MTARC1: variants seen among roughly 807,000 people sequenced by gnomAD.
The protein encoded by MTARC1 is mitochondrial amidoxime-reducing component 1.
In MTARC1, 24 loss-of-function variants were observed where a neutral mutation model predicts 33.6. The ratio of observed to expected loss-of-function variants is 0.72; its 90% confidence interval spans 0.52 to 1.01. The LOEUF is 1.01. Ranked by LOEUF, MTARC1 falls within the 50% of genes least tolerant of loss-of-function variation. MTARC1 has a pLI of 0.00. For missense variants in MTARC1, 417 were observed against 445.7 expected (o/e 0.94, Z 0.58); for synonymous variants, 187 against 189.5 (o/e 0.99, Z 0.11).
chr1:220,788,071 C>T (rs1475822904), intron 1 of MTARC1, among the ~76,000 whole-genome samples: 2 of 152,188 alleles, frequency 1.3e-5, no homozygotes, highest in Non-Finnish European at 2.9e-5. Flanking sequence ...CCCCAATTCT[C>T]TCCAATGCTC....
In MTARC1 at chr1:220,798,007, A is replaced by G. The variant is rs144239231; in HGVS notation, c.746A>G (p.Tyr249Cys). 48 of 1,614,226 alleles carry G rather than the reference A, an allele frequency of 3.0e-5. No homozygotes were observed. The highest frequency in any genetic ancestry group is 8.8e-5 in the South Asian group (8 of 91,090). The change falls in exon 4 of 7, where the codon TAT (tyrosine) becomes TGT (cysteine). Residue 249 changes from tyrosine to cysteine, a missense_variant. Transcript: ENST00000366910. ...ATTGTAATTTCAGGATGCGATGTCT[A>G]TGCAGAGGTAACACTATGCCCCTTT... Reference protein sequence around the residue: ...PNIVISGCDVYAEDSWDELLI... With the variant: ...PNIVISGCDVCAEDSWDELLI...
At chr1:220,792,028 A>C (rs529056855) in intron 2 of MTARC1, among the ~76,000 whole-genome samples, 44 of 152,324 alleles carry the variant, frequency 2.9e-4, no homozygotes, top group African/African-American at 1.0e-3. Flanking sequence ...CGATCTACGT[A>C]TTCTCATAGA....
chr1:220,800,345 A>G (rs552947881), intron 4 of MTARC1, among the ~76,000 whole-genome samples: 3 of 152,318 alleles, frequency 2.0e-5, no homozygotes, highest in African/African-American at 7.2e-5. Flanking sequence ...TGCGCTGTGA[A>G]TAGACACATG....
intron 6 of MTARC1, chr1:220,808,844 C>A (rs12097112): frequency 4.2e-6 from 2 of 470,952 alleles, no homozygotes; most frequent in Non-Finnish European, 8.8e-6. Flanking sequence ...TGGAATTTTT[C>A]TTTTCTTTCT....
intron 6 of MTARC1, chr1:220,808,769 G>C (rs1673043629): frequency 2.1e-6 from 1 of 468,296 alleles, no homozygotes; most frequent in Non-Finnish European, 4.4e-6. Context: ...GGAAGCCTTT[G>C]TCTGTAAAAT....
intron 4 of MTARC1, chr1:220,798,560 C>A (rs1452060598): frequency 1.0e-6 from 1 of 985,334 alleles, no homozygotes; most frequent in East Asian, 1.1e-4. Flanking sequence ...GGCTTGGTTT[C>A]TGGGATTCCA....
intron 2 of MTARC1, chr1:220,793,748 C>G (rs1672510728): frequency 6.6e-6 from 1 of 152,218 alleles, no homozygotes; most frequent in Non-Finnish European, 1.5e-5. Flanking sequence ...CTCAAACCAT[C>G]TCAAGCCATG....
At chr1:220,809,179 C>T (rs1673055068) in intron 6 of MTARC1, among the ~76,000 whole-genome samples, 1 of 152,190 alleles carries the variant, frequency 6.6e-6, no homozygotes, top group Non-Finnish European at 1.5e-5. Context: ...CGCTTAGGCT[C>T]TTCAAGTCAC....
chr1:220,813,230 C>T (rs1221693239), intron 6 of MTARC1, 62 bp from the exon 7 acceptor site: 11 of 1,610,616 alleles, frequency 6.8e-6, no homozygotes, highest in Middle Eastern at 1.7e-4. Context: ...ATGGAAGCCA[C>T]GTGCTGGTTG....
At position 220,813,382 on chromosome 1, in the gene MTARC1, C is replaced by G; in HGVS notation, c.978C>G (p.Ile326Met). 2 of 1,614,124 alleles carry G rather than the reference C, an allele frequency of 1.2e-6. No individual in the cohort carries two copies. The highest frequency in any genetic ancestry group is 8.5e-7 in the Non-Finnish European group (1 of 1,180,044). Residue 326 changes from isoleucine to methionine, a missense_variant, in exon 7 of 7, where the codon ATC becomes ATG. Ile to Met is a conservative substitution (Grantham distance 10). Transcript: ENST00000366910. ...TTGTGCTGGAAAACCCAGGGACCAT[C>G]AAAGTGGGAGACCCTGTGTACCTGC... ...QYFVLENPGT[I>M]KVGDPVYLLG...
At chr1:220,808,505 A>G (rs554845479) in intron 6 of MTARC1, among the ~76,000 whole-genome samples, 3 of 152,368 alleles carry the variant, frequency 2.0e-5, no homozygotes, top group East Asian at 3.9e-4. Context: ...AGGCCTGGCC[A>G]CATCCCATAA....
At chr1:220,790,361 G>T (rs981175021) in intron 1 of MTARC1, among the ~76,000 whole-genome samples, 1 of 152,206 alleles carries the variant, frequency 6.6e-6, no homozygotes, top group African/African-American at 2.4e-5. Flanking sequence ...GTTTTATCCT[G>T]AAAGCAGGAA....
Position 220,819,531 on chromosome 1 carries a change from T to C in MTARC1, c.*6113T>C, listed in dbSNP as rs905341734. 9 of 152,216 alleles carry C rather than the reference T, an allele frequency of 5.9e-5. No homozygotes were observed. Among genetic ancestry groups the C allele is most frequent in the Non-Finnish European group, 1.0e-4 (7 of 68,040 alleles). 9.4% of individuals were successfully genotyped at this position (152,216 alleles called of 1,614,324 possible). On this transcript the variant is annotated 3_prime_UTR_variant, in exon 7 of 7. Transcript: ENST00000366910. ...ATGTCTTGGGGATGTCAAGTAAGAT[T>C]GTTCACATAGTTTCTGGACACCATT...
intron 1 of MTARC1, among the ~76,000 whole-genome samples, chr1:220,788,730 A>T (rs1475293338): frequency 6.6e-6 from 1 of 151,644 alleles, no homozygotes; most frequent in Non-Finnish European, 1.5e-5. Context: ...CGGAGCTTGC[A>T]GAGCTCCACT....
chr1:220,802,236 G>A (rs1321281733), intron 4 of MTARC1, among the ~76,000 whole-genome samples: 1 of 152,146 alleles, frequency 6.6e-6, no homozygotes, highest in African/African-American at 2.4e-5. Flanking sequence ...CTGGAGTGCT[G>A]CACCACAGTT....
Position 220,798,276 on chromosome 1 carries a change from G to T in MTARC1, c.753+262G>T, listed in dbSNP as rs942063275. The T allele has an allele frequency of 2.2e-6, 3 of 1,366,670 alleles. No individual in the cohort carries two copies. The African/African-American group carries it at 4.4e-5, about 20-fold the overall frequency. 84.7% of individuals were successfully genotyped at this position (1,366,670 alleles called of 1,614,324 possible). The stretch of plus-strand genomic sequence containing the variant: ...TCTAAGGAGAATTCTGAGTTGACAG[G>T]TTCGTTGTTGAGTCACATTTTCTTG... On this transcript the variant is annotated intron_variant, in intron 4 of 6. Transcript: ENST00000366910.
At chr1:220,801,987 T>A (rs1020611320) in intron 4 of MTARC1, among the ~76,000 whole-genome samples, 4 of 152,136 alleles carry the variant, frequency 2.6e-5, no homozygotes, top group African/African-American at 9.7e-5. Context: ...CCTGCCACAG[T>A]CAGTGACCGT....
At chr1:220,810,906 C>T (rs1401936906) in intron 6 of MTARC1, among the ~76,000 whole-genome samples, 2 of 152,150 alleles carry the variant, frequency 1.3e-5, no homozygotes, top group African/African-American at 2.4e-5. Flanking sequence ...AAGTCTGTTA[C>T]TCCCCCTGAG....
In MTARC1 at chr1:220,813,730, G is replaced by A. The variant is rs1198469616; in HGVS notation, c.*312G>A. 3.4e-6 allele frequency: 1 copy of A among 290,414 alleles called. No individual in the cohort carries two copies. Among genetic ancestry groups the A allele is most frequent in the African/African-American group, 2.1e-5 (1 of 46,530 alleles). The allele number at this position is 290,414 out of a possible 1,614,324, so 18.0% of individuals were successfully genotyped here. A position where few individuals can be genotyped will look rare whatever the true frequency, so the allele number is the denominator to read the frequency against. ...TCCTGCTTCTCCGTTTATCTACCAA[G>A]AGCGCAGACTTGCATCCTGTCACTA... On this transcript the variant is annotated 3_prime_UTR_variant, in exon 7 of 7. Coordinates refer to ENST00000366910, the MANE Select transcript of MTARC1 (RefSeq NM_022746.4).
Sources: allele counts gnomAD v4.1 joint callset (sites outside exome capture counted in the v4.1 genomes callset), GRCh38; gene constraint gnomAD v4.1.1; transcripts MANE v1.5; gene names NCBI Gene and HGNC (gene_info 2026-07-23, HGNC 2026-07-21).